Variants in VSTM2L observed in about 807,000 individuals in gnomAD.
VSTM2L encodes the protein V-set and transmembrane domain containing 2 like.
VSTM2L carries 9 observed loss-of-function variants against 19.9 expected under a neutral mutation model. The ratio of observed to expected loss-of-function variants is 0.45; its 90% CI spans 0.27 to 0.79. The LOEUF is 0.79. Ranked by LOEUF, VSTM2L falls within the 30% of genes least tolerant of loss-of-function variation. The probability of loss-of-function intolerance (pLI) is 0.15; values close to 1 mark genes in which losing one functional copy is unlikely to be tolerated. For missense variants in VSTM2L, 286 were observed against 295.5 expected, an observed-to-expected ratio of 0.97 and a Z score of 0.24; for synonymous variants, 127 against 133.8, an observed-to-expected ratio of 0.95 and a Z score of 0.35.
At chr20:37,924,886 G>A (rs1209122563) in intron 1 of VSTM2L, among the ~76,000 whole-genome samples, 1 of 152,168 alleles carries the variant, frequency 6.6e-6, no homozygotes, top group Non-Finnish European at 1.5e-5. Context: ...CCTAGCAGCT[G>A]AATTTTACCT....
chr20:37,918,995 C>T (rs1446760582), intron 1 of VSTM2L, among the ~76,000 whole-genome samples: 1 of 152,200 alleles, frequency 6.6e-6, no homozygotes, highest in East Asian at 1.9e-4. Context: ...CAGGTTCAAT[C>T]CCAGCCATTG....
chr20:37,942,846 G>A (rs2072980584), intron 3 of VSTM2L, among the ~76,000 whole-genome samples: 1 of 152,208 alleles, frequency 6.6e-6, no homozygotes. Context: ...AAAGTACAAA[G>A]ACGAATATAA....
At chr20:37,908,243 T>C (rs1301510006) in intron 1 of VSTM2L, among the ~76,000 whole-genome samples, 1 of 152,176 alleles carries the variant, frequency 6.6e-6, no homozygotes, top group Non-Finnish European at 1.5e-5. Flanking sequence ...TTTGGCTCCT[T>C]GCCATGGTGA....
At chr20:37,916,251 T>G (rs570870815) in intron 1 of VSTM2L, among the ~76,000 whole-genome samples, 29 of 152,288 alleles carry the variant, frequency 1.9e-4, no homozygotes, top group Admixed American at 1.3e-4. Context: ...ATAAATGGTA[T>G]CGGTAGAGAC....
chr20:37,904,519 CT>C lies in VSTM2L; in HGVS notation c.121+1049del, dbSNP rs529297019. 2.5e-3 allele frequency among the ~76,000 whole-genome samples: 382 copies of C among 152,330 alleles called. 1 individual carries two copies. The highest frequency in any genetic ancestry group is 7.5e-3 in the African/African-American group (312 of 41,580). ...AGCCCGGCAGCTGTGGGGGCTCCCC[CT>C]GACCCCTGTGAGCCTGGCTCTGGGA... On this transcript the variant is annotated intron_variant, in intron 1 of 3. Transcript: ENST00000373461.
At chr20:37,936,974 G>A (rs1391057990) in intron 3 of VSTM2L, among the ~76,000 whole-genome samples, 1 of 151,716 alleles carries the variant, frequency 6.6e-6, no homozygotes, top group Non-Finnish European at 1.5e-5. Flanking sequence ...TAATCCCAGC[G>A]CTTTGGGAAG....
At chr20:37,903,851 G>A (rs774939843) in intron 1 of VSTM2L, among the ~76,000 whole-genome samples, 16 of 152,058 alleles carry the variant, frequency 1.1e-4, no homozygotes, top group African/African-American at 1.7e-4. Flanking sequence ...CACTACACAC[G>A]CACATCAGGC....
intron 3 of VSTM2L, among the ~76,000 whole-genome samples, chr20:37,942,908 A>G (rs1424831649): frequency 1.3e-5 from 2 of 152,202 alleles, no homozygotes; most frequent in African/African-American, 2.4e-5. Flanking sequence ...GCATCCTGAT[A>G]TATTTGTCGT....
intron 1 of VSTM2L, among the ~76,000 whole-genome samples, chr20:37,930,748 T>TGGGGCAG (rs2072903668): frequency 6.6e-6 from 1 of 151,986 alleles, no homozygotes; most frequent in African/African-American, 2.4e-5. Context: ...GGGCTCTGCA[T>TGGGGCAG]GGGGCAGGAG....
chr20:37,929,915 C>T (rs1234585676), intron 1 of VSTM2L, among the ~76,000 whole-genome samples: 1 of 152,136 alleles, frequency 6.6e-6, no homozygotes, highest in Non-Finnish European at 1.5e-5. Flanking sequence ...CCTGCATTGC[C>T]TCTTACTTAG....
intron 3 of VSTM2L, among the ~76,000 whole-genome samples, chr20:37,935,674 C>T (rs1327893697): frequency 6.6e-6 from 1 of 152,044 alleles, no homozygotes; most frequent in Non-Finnish European, 1.5e-5. Flanking sequence ...TTCTGGTTGT[C>T]GTTATCCGCT....
chr20:37,941,365 G>A (rs1408210157), intron 3 of VSTM2L, among the ~76,000 whole-genome samples: 2 of 152,166 alleles, frequency 1.3e-5, no homozygotes, highest in Non-Finnish European at 2.9e-5. Flanking sequence ...GATGAACAGG[G>A]AACCCCACCC....
chr20:37,937,471 T>G (rs1191889417), intron 3 of VSTM2L, among the ~76,000 whole-genome samples: 1 of 152,072 alleles, frequency 6.6e-6, no homozygotes, highest in African/African-American at 2.4e-5. Context: ...GTTCTGGAAG[T>G]TTTTCTTTCG....
intron 1 of VSTM2L, among the ~76,000 whole-genome samples, chr20:37,906,122 C>T (rs956387520): frequency 3.9e-5 from 6 of 152,102 alleles, no homozygotes; most frequent in Non-Finnish European, 8.8e-5. Context: ...GGTGGCTGCT[C>T]ACCCCTCCAA....
intron 1 of VSTM2L, among the ~76,000 whole-genome samples, chr20:37,929,794 G>A (rs2072898419): frequency 1.3e-5 from 2 of 152,160 alleles, no homozygotes; most frequent in South Asian, 4.2e-4. Context: ...ACTGAATGTG[G>A]GAAGGGAGAG....
rs773265284 is a variant in VSTM2L, at chr20:37,905,528, G to C, written c.121+2057G>C. Among the ~76,000 whole-genome samples, 10 of 152,308 alleles carry C rather than the reference G, an allele frequency of 6.6e-5. No individual in the cohort carries two copies. The South Asian group carries it at 1.5e-3, about 22-fold the overall frequency. ...CCCTGGAAGGTCAAGCTAAGGCCCA[G>C]GACAGGGGCTAGATGAGAAGGAGGC... On this transcript the variant is annotated intron_variant, in intron 1 of 3. Transcript: ENST00000373461.
intron 1 of VSTM2L, among the ~76,000 whole-genome samples, chr20:37,918,201 C>G (rs886617559): frequency 6.6e-6 from 1 of 152,156 alleles, no homozygotes; most frequent in Non-Finnish European, 1.5e-5. Context: ...GGCAGGGAAG[C>G]TTTCCAGGTA....
intron 1 of VSTM2L, among the ~76,000 whole-genome samples, chr20:37,909,332 C>A (rs187516924): frequency 2.6e-5 from 4 of 152,272 alleles, no homozygotes; most frequent in African/African-American, 9.6e-5. Flanking sequence ...GGGGACCAAA[C>A]CAGCTGCTGA....
chr20:37,904,942 G>A (rs2072743426), intron 1 of VSTM2L, among the ~76,000 whole-genome samples: 1 of 152,050 alleles, frequency 6.6e-6, no homozygotes, highest in South Asian at 2.1e-4. Flanking sequence ...CATTTCTACC[G>A]ACCTGGCTAG....
Sources: allele counts gnomAD v4.1 joint callset (sites outside exome capture counted in the v4.1 genomes callset), GRCh38; gene constraint gnomAD v4.1.1; transcripts MANE v1.5; gene names NCBI Gene and HGNC (gene_info 2026-07-23, HGNC 2026-07-21).